PLIN4: variants seen among roughly 807,000 people sequenced by gnomAD.
PLIN4 encodes perilipin 4.
A neutral mutation model predicts 52.4 loss-of-function variants in PLIN4; 57 were observed. The ratio of observed to expected loss-of-function variants is 1.09; its 90% CI spans 0.88 to 1.36. The LOEUF is 1.36. Among genes scored for constraint, PLIN4 ranks in the 40% most tolerant of loss-of-function variants. The pLI, the probability that PLIN4 is intolerant of heterozygous loss-of-function variation, is 0.00. For synonymous variants in PLIN4, 826 were observed against 785.4 expected, an observed-to-expected ratio of 1.05 and a Z score of -0.86; for missense variants, 1,757 against 1,770.3, an observed-to-expected ratio of 0.99 and a Z score of 0.13.
At chr19:4,517,238 G>A (rs914145468) in intron 3 of PLIN4, among the ~76,000 whole-genome samples, 1 of 152,178 alleles carries the variant, frequency 6.6e-6, no homozygotes, top group Non-Finnish European at 1.5e-5. Flanking sequence ...TCACTCTGAT[G>A]AGCTCAGATG....
At chr19:4,513,759 G>T (rs898135840) in intron 4 of PLIN4, 58 bp from the exon 5 acceptor site, 25 of 1,505,424 alleles carry the variant, frequency 1.7e-5, no homozygotes, top group Non-Finnish European at 1.9e-5. Context: ...ACTCCACCCC[G>T]ATGTCTGCCA....
intron 6 of PLIN4, among the ~76,000 whole-genome samples, chr19:4,506,630 C>G (rs570726440): frequency 2.6e-5 from 4 of 152,358 alleles, no homozygotes; most frequent in Non-Finnish European, 5.9e-5. Flanking sequence ...TTTCCCAGCC[C>G]AGCATCCTTC....
Position 4,512,781 on chromosome 19 carries a change from C to T in PLIN4, c.1179G>A (p.Lys393=). 10 of 1,564,596 alleles carry T rather than the reference C, an allele frequency of 6.4e-6. 1 individual carries two copies. The highest frequency in any genetic ancestry group is 8.6e-6 in the Non-Finnish European group (10 of 1,161,466). ...TGTCTTTCGTACCCATGACCATAGA[C>T]TTGGTGGTATCCAGGCCCCCCTGGA... ...EAIQGGLDTT[K]SMVMGTKDTM... Residue 393 remains lysine, a synonymous_variant, in exon 5 of 8, where the codon AAG becomes AAA. Coordinates refer to ENST00000301286, the MANE Select transcript of PLIN4 (RefSeq NM_001367868.2).
chr19:4,509,037 C>T (rs1374774755), intron 5 of PLIN4, 82 bp from the exon 6 acceptor site: 11 of 1,359,184 alleles, frequency 8.1e-6, no homozygotes, highest in East Asian at 5.0e-5. Flanking sequence ...GGGCCGGGCG[C>T]GGCGGTTCCC....
chr19:4,516,700 AG>A, intron 3 of PLIN4, 22 bp from the exon 4 acceptor site: 1 of 1,565,776 alleles, frequency 6.4e-7, no homozygotes, highest in Non-Finnish European at 8.7e-7. Context: ...GGGGCCGGTC[AG>A]GGAGAGTGAG....
At chr19:4,510,376 A>C (rs1304106966) in intron 5 of PLIN4, 70 bp downstream of exon 5, 8 of 1,089,494 alleles carry the variant, frequency 7.3e-6, no homozygotes, top group African/African-American at 3.2e-5. Flanking sequence ...AAAAAAAAAA[A>C]CAAAACAGTC....
chr19:4,510,479 C>A lies in PLIN4; in HGVS notation c.3481G>T (p.Asp1161Tyr), dbSNP rs1297781848. Residue 1161 changes from aspartate to tyrosine, a missense_variant, in exon 5 of 8, where the codon GAC (aspartate) becomes TAC (tyrosine). Around this residue, in one of 7 missense-constraint regions of PLIN4, gnomAD observed 712 missense variants for 637.1 expected, o/e 1.12. Transcript: ENST00000301286. Reference sequence around the variant, plus strand: ...TCCGCATTCATGGGGTGGAAGATGTCCCCCAGCCCCTCCAACTCATTCTGC... The same window carrying A: ...TCCGCATTCATGGGGTGGAAGATGTACCCCAGCCCCTCCAACTCATTCTGC... ...MLQNELEGLGDIFHPMNAEEQ... is the reference protein window; with the variant it reads ...MLQNELEGLGYIFHPMNAEEQ... 2.1e-6 allele frequency: 3 copies of A among 1,456,406 alleles called. No individual in the cohort carries two copies. The highest frequency in any genetic ancestry group is 1.4e-5 in the African/African-American group (1 of 70,494). The allele number at this position is 1,456,406 out of a possible 1,614,324, so 90.2% of individuals were successfully genotyped here.
chr19:4,514,178 G>A (rs528797967), intron 4 of PLIN4, among the ~76,000 whole-genome samples: 1 of 152,322 alleles, frequency 6.6e-6, no homozygotes, highest in East Asian at 1.9e-4. Context: ...CAGGCTGGGT[G>A]TGATGGCTGA....
At position 4,512,656 on chromosome 19, in the gene PLIN4, G is replaced by A; in HGVS notation, c.1304C>T (p.Thr435Ile). The A allele has an allele frequency of 1.3e-6, 2 of 1,571,814 alleles. No individual in the cohort carries two copies. Among genetic ancestry groups the A allele is most frequent in the Non-Finnish European group, 1.7e-6 (2 of 1,161,546 alleles). The change falls in exon 5 of 8, where the codon ACC becomes ATC. Residue 435 changes from threonine to isoleucine, a missense_variant. By Grantham distance (89) the Thr-to-Ile change is moderately conservative. Coordinates refer to ENST00000301286, the MANE Select transcript of PLIN4 (RefSeq NM_001367868.2). Reference sequence around the variant, plus strand: ...GGCACCAGTCACCCCACTGCAGACGGTGTCCTTTGTACCTGTTGCGATATT... The same window carrying A: ...GGCACCAGTCACCCCACTGCAGACGATGTCCTTTGTACCTGTTGCGATATT... ...TQNIATGTKD[T>I]VCSGVTGAMN...
rs917026224 is a variant in PLIN4 at position 4,510,489 on chromosome 19, C to T, written c.3471G>A (p.Glu1157=). The part of the protein sequence containing the change: ...PRLAMLQNEL[E]GLGDIFHPMN... ...TGGGGTGGAAGATGTCCCCCAGCCC[C>T]TCCAACTCATTCTGCAGCATTGCCA... Residue 1157 remains glutamate, a synonymous_variant, in exon 5 of 8, where the codon GAG becomes GAA. Transcript: ENST00000301286. 6 of 1,466,088 alleles carry T rather than the reference C, an allele frequency of 4.1e-6. No homozygotes were observed. The highest frequency in any genetic ancestry group is 5.4e-6 in the Non-Finnish European group (6 of 1,108,152). 90.8% of individuals were successfully genotyped at this position (1,466,088 alleles called of 1,614,324 possible).
At chr19:4,505,459 C>G (rs540736721) in intron 6 of PLIN4, among the ~76,000 whole-genome samples, 1 of 152,296 alleles carries the variant, frequency 6.6e-6, no homozygotes, top group African/African-American at 2.4e-5. Flanking sequence ...CCAGGTGACC[C>G]TTGGTGAGAC....
chr19:4,510,715 A>G lies in PLIN4; in HGVS notation c.3245T>C (p.Leu1082Pro). ...TTDNGGEQTALSPQEAPFSGI... is the reference protein window; with the variant it reads ...TTDNGGEQTAPSPQEAPFSGI... ...AGAGAACGGGGCCTCTTGGGGGCTC[A>G]GGGCAGTCTGCTCCCCACCATTGTC... The change falls in exon 5 of 8, where the codon CTG becomes CCG. Residue 1082 changes from leucine to proline, a missense_variant. By Grantham distance (98) the Leu-to-Pro change is moderately conservative. Transcript: ENST00000301286. 1 of 1,535,798 alleles carries G rather than the reference A, an allele frequency of 6.5e-7. No individual in the cohort carries two copies. The highest frequency in any genetic ancestry group is 8.7e-7 in the Non-Finnish European group (1 of 1,142,972).
chr19:4,506,464 A>C (rs1976096514), intron 6 of PLIN4, among the ~76,000 whole-genome samples: 2 of 152,108 alleles, frequency 1.3e-5, no homozygotes, highest in Admixed American at 1.3e-4. Context: ...TCCATTTTCC[A>C]AGCATCATCC....
intron 5 of PLIN4, among the ~76,000 whole-genome samples, chr19:4,510,182 C>T (rs1472803781): frequency 2.0e-5 from 3 of 151,926 alleles, no homozygotes; most frequent in South Asian, 2.1e-4. Context: ...CTGGCTAACA[C>T]GGTGAAACCC....
chr19:4,518,074 T>C, intron 2 of PLIN4, 148 bp downstream of exon 2: 8 of 649,562 alleles, frequency 1.2e-5, no homozygotes, highest in Non-Finnish European at 1.8e-5. Flanking sequence ...AAGGAAGGGA[T>C]TGGCATCATG....
chr19:4,515,545 A>G (rs1226075406), intron 4 of PLIN4, among the ~76,000 whole-genome samples: 7 of 152,146 alleles, frequency 4.6e-5, no homozygotes, highest in African/African-American at 1.7e-4. Context: ...TTGGGATTAC[A>G]GGTGTGAACC....
In PLIN4 at chr19:4,513,126, G is replaced by A. The variant is rs771427435; in HGVS notation, c.834C>T (p.Ala278=). 1 of 758,128 alleles carries A rather than the reference G, an allele frequency of 1.3e-6. No homozygotes were observed. Among genetic ancestry groups the A allele is most frequent in the Non-Finnish European group, 2.4e-6 (1 of 419,028 alleles). 47.0% of individuals were successfully genotyped at this position (758,128 alleles called of 1,614,324 possible). ...GGATGGTTCCTTTGGCCACATTCAT[G>A]GCACCAGTCACCCCACTACAGACGG... ...KDTVCSGVTG[A]MNVAKGTIQT... Residue 278 remains alanine, a synonymous_variant, in exon 5 of 8, where the codon GCC becomes GCT. Transcript: ENST00000301286.
chr19:4,513,261 G>C lies in PLIN4; in HGVS notation c.699C>G (p.Gly233=). The C allele has an allele frequency of 6.2e-7, 1 of 1,613,766 alleles. No individual in the cohort carries two copies. The highest frequency in any genetic ancestry group is 8.5e-7 in the Non-Finnish European group (1 of 1,179,876). Residue 233 remains glycine (G), a synonymous_variant, in exon 5 of 8, where the codon GGC becomes GGG. Coordinates refer to ENST00000301286, the MANE Select transcript of PLIN4 (RefSeq NM_001367868.2). ...GCCCAGTGGACACAGCATCTTTGGT[G>C]CCGGTCAGCACAGCCTTGGAGGTTT... ...GVETSKAVLT[G]TKDAVSTGLT...
chr19:4,517,759 A>C, intron 2 of PLIN4, 61 bp from the exon 3 acceptor site: 1 of 1,527,610 alleles, frequency 6.5e-7, no homozygotes, highest in Non-Finnish European at 8.8e-7. Flanking sequence ...AACGGGTCAG[A>C]GGAAGCATCG....
Sources: allele counts gnomAD v4.1 joint callset (sites outside exome capture counted in the v4.1 genomes callset), GRCh38; gene constraint gnomAD v4.1.1; regional missense constraint gnomAD v4.1.1; transcripts MANE v1.5; gene names NCBI Gene and HGNC (gene_info 2026-07-23, HGNC 2026-07-21).